KLF12: variants seen among roughly 807,000 people sequenced by gnomAD.
The protein encoded by KLF12 is KLF transcription factor 12, also known as Krueppel-like factor 12.
Under a neutral mutation model 37.8 loss-of-function variants are expected in KLF12, and 9 were observed. The ratio of observed to expected loss-of-function variants is 0.24; its 90% CI spans 0.14 to 0.42. The LOEUF (loss-of-function observed/expected upper bound fraction) is 0.42. Ranked by LOEUF, KLF12 falls within the 10% of genes least tolerant of loss-of-function variation. The probability of loss-of-function intolerance (pLI) is 1.00; values close to 1 mark genes in which losing one functional copy is unlikely to be tolerated. For synonymous variants in KLF12, 208 were observed against 202.1 expected (o/e 1.03, Z -0.25); for missense variants, 411 against 516.0 (o/e 0.80, Z 1.97).
the KLF12 span, among the ~76,000 whole-genome samples, chr13:74,212,505 G>A: frequency 2.0e-5 from 3 of 152,122 alleles, no homozygotes; most frequent in African/African-American, 7.2e-5. Context: ...AGAGTTCTTT[G>A]CTACCAAAAC....
At chr13:74,174,622 C>A in the KLF12 span, among the ~76,000 whole-genome samples, 3 of 152,060 alleles carry the variant, frequency 2.0e-5, no homozygotes, top group African/African-American at 7.2e-5. Context: ...CCCCTAAGCC[C>A]GATGTCTCCC....
chr13:74,247,758 C>T, the KLF12 span, among the ~76,000 whole-genome samples: 1 of 152,118 alleles, frequency 6.6e-6, no homozygotes, highest in South Asian at 2.1e-4. Context: ...AGGCATGAGC[C>T]ATTGCCTCCA....
At chr13:73,753,244 C>T (rs1032342252) in intron 6 of KLF12, among the ~76,000 whole-genome samples, 5 of 152,102 alleles carry the variant, frequency 3.3e-5, no homozygotes, top group Non-Finnish European at 5.9e-5. Flanking sequence ...ATTCACTTTT[C>T]GTTCCTTGAA....
At chr13:73,982,707 A>G (rs1291093461) in intron 2 of KLF12, among the ~76,000 whole-genome samples, 2 of 152,172 alleles carry the variant, frequency 1.3e-5, no homozygotes, top group Admixed American at 1.3e-4. Context: ...CATTCAGAGC[A>G]TTTTTACCAA....
chr13:73,974,162 A>G (rs1227334684), intron 2 of KLF12, among the ~76,000 whole-genome samples: 1 of 151,996 alleles, frequency 6.6e-6, no homozygotes, highest in Non-Finnish European at 1.5e-5. Flanking sequence ...GAAGAACCCA[A>G]AAATTGGATA....
intron 2 of KLF12, among the ~76,000 whole-genome samples, chr13:73,954,564 A>C (rs148437603): frequency 2.7e-4 from 41 of 152,210 alleles, no homozygotes; most frequent in African/African-American, 9.6e-4. Context: ...CTAAAAGATT[A>C]TTTCAATACT....
the KLF12 span, among the ~76,000 whole-genome samples, chr13:74,269,761 G>A: frequency 1.3e-5 from 2 of 152,126 alleles, no homozygotes; most frequent in African/African-American, 2.4e-5. Flanking sequence ...AGAAGTCCAC[G>A]TGGTATAAAT....
At chr13:74,039,339 C>T (rs1893342508) in intron 1 of KLF12, among the ~76,000 whole-genome samples, 1 of 151,918 alleles carries the variant, frequency 6.6e-6, no homozygotes, top group Non-Finnish European at 1.5e-5. Flanking sequence ...AGTTTGAGAC[C>T]AGCCTGGGCA....
the KLF12 span, among the ~76,000 whole-genome samples, chr13:74,167,376 G>C: frequency 2.8e-4 from 42 of 152,156 alleles, no homozygotes; most frequent in Non-Finnish European, 4.9e-4. Flanking sequence ...ACCAATATAA[G>C]GTCAAGTGGA....
At chr13:74,284,908 GT>G in the KLF12 span, among the ~76,000 whole-genome samples, 2 of 152,104 alleles carry the variant, frequency 1.3e-5, no homozygotes, top group South Asian at 2.1e-4. Flanking sequence ...GTGTAAATAT[GT>G]TTTTTTTCCC....
intron 4 of KLF12, among the ~76,000 whole-genome samples, chr13:73,815,185 C>T (rs1883148271): frequency 6.6e-6 from 1 of 152,148 alleles, no homozygotes; most frequent in African/African-American, 2.4e-5. Context: ...TCCATCTGAT[C>T]TCTGGAGGAG....
chr13:73,935,924 C>G lies in KLF12; in HGVS notation c.123+8057G>C, dbSNP rs551040001. On this transcript the variant is annotated intron_variant, in intron 3 of 7. Coordinates refer to ENST00000377669, the MANE Select transcript of KLF12 (RefSeq NM_007249.5). ...CTTGGCCTCAGGTATTTCTTTACAG[C>G]AATGCAAAAACAGACATACATGGTG... 7.2e-5 allele frequency among the ~76,000 whole-genome samples: 11 copies of G among 152,240 alleles called. No individual in the cohort carries two copies. The South Asian group carries it at 2.1e-3, about 29-fold the overall frequency.
At chr13:73,884,584 G>C (rs774119840) in intron 3 of KLF12, among the ~76,000 whole-genome samples, 3 of 152,208 alleles carry the variant, frequency 2.0e-5, no homozygotes, top group Non-Finnish European at 4.4e-5. Context: ...TTCAGGGCCT[G>C]TACTTCCCAT....
At chr13:74,271,192 C>A in the KLF12 span, among the ~76,000 whole-genome samples, 1 of 152,148 alleles carries the variant, frequency 6.6e-6, no homozygotes, top group African/African-American at 2.4e-5. Flanking sequence ...ATCCCGAAAC[C>A]ATCCCTCCCA....
the KLF12 span, among the ~76,000 whole-genome samples, chr13:74,141,761 A>G: frequency 5.1e-4 from 77 of 152,216 alleles, no homozygotes; most frequent in African/African-American, 1.9e-3. Flanking sequence ...CTCTGCTTAT[A>G]TTTCAATGGC....
At chr13:73,842,772 A>T (rs1271357252) in intron 4 of KLF12, among the ~76,000 whole-genome samples, 2 of 152,212 alleles carry the variant, frequency 1.3e-5, no homozygotes, top group Non-Finnish European at 2.9e-5. Flanking sequence ...CATCCGAAGT[A>T]GGAAGGGAAA....
the KLF12 span, among the ~76,000 whole-genome samples, chr13:74,261,140 A>C: frequency 6.6e-6 from 1 of 152,184 alleles, no homozygotes; most frequent in African/African-American, 2.4e-5. Flanking sequence ...AAATTTTAAA[A>C]AAATTTAAAA....
the KLF12 span, among the ~76,000 whole-genome samples, chr13:74,286,009 A>G: frequency 6.6e-6 from 1 of 152,140 alleles, no homozygotes; most frequent in Non-Finnish European, 1.5e-5. Context: ...AAATCCTCCC[A>G]TACACACACA....
chr13:73,787,054 G>A (rs1031648484), intron 5 of KLF12, among the ~76,000 whole-genome samples: 1 of 152,176 alleles, frequency 6.6e-6, no homozygotes, highest in African/African-American at 2.4e-5. Context: ...TGGATACATG[G>A]TATTGTTAGA....
Sources: gnomAD v4.1 joint callset for allele counts (sites outside exome capture counted in the v4.1 genomes callset) on GRCh38, gnomAD v4.1.1 for gene constraint, MANE v1.5 for transcripts, NCBI Gene and HGNC (gene_info 2026-07-23, HGNC 2026-07-21) for gene names.